The following CDH13 variants were observed in gnomAD, a reference collection of about 807,000 sequenced individuals.
CDH13 encodes cadherin-13.
A neutral mutation model predicts 63.8 loss-of-function variants in CDH13; 24 were observed. The ratio of observed to expected loss-of-function variants is 0.38; its 90% CI spans 0.27 to 0.53. The LOEUF is 0.53. Among genes scored for constraint, CDH13 ranks in the 20% least tolerant of loss-of-function variants. The probability of loss-of-function intolerance (pLI) is 0.85; values close to 1 mark genes in which losing one functional copy is unlikely to be tolerated. For missense variants in CDH13, 1,049 were observed against 903.1 expected (o/e 1.16, Z -2.07); for synonymous variants, 503 against 355.3 (o/e 1.42, Z -4.67).
chr16:83,258,204 A>T (rs1906522555), intron 5 of CDH13, among the ~76,000 whole-genome samples: 1 of 152,234 alleles, frequency 6.6e-6, no homozygotes, highest in African/African-American at 2.4e-5. Flanking sequence ...TGGAAAGCAT[A>T]GCTCTACAGA....
intron 3 of CDH13, among the ~76,000 whole-genome samples, chr16:83,078,451 T>G (rs548586992): frequency 9.8e-5 from 15 of 152,286 alleles, no homozygotes; most frequent in African/African-American, 3.6e-4. Context: ...GGATCACAAT[T>G]GGGTTTGTAG....
At chr16:82,720,787 G>T (rs1053502577) in intron 1 of CDH13, among the ~76,000 whole-genome samples, 1 of 152,078 alleles carries the variant, frequency 6.6e-6, no homozygotes, top group East Asian at 1.9e-4. Flanking sequence ...CTGCATTGTT[G>T]TTTGAGTCAG....
rs77159618 is a variant in CDH13, at chr16:83,782,974, C to G, written c.1916-280C>G. The stretch of plus-strand genomic sequence containing the variant: ...TCCTTGAAACTGATTATAATCGCGC[C>G]GAGGCACAGAACTCTGGTGATGGAA... On this transcript the variant is annotated intron_variant, in intron 12 of 13. Coordinates refer to ENST00000567109, the MANE Select transcript of CDH13 (RefSeq NM_001257.5). Among the ~76,000 whole-genome samples the G allele has an allele frequency of 2.0e-5, 3 of 151,986 alleles. No homozygotes were observed. The South Asian group carries it at 6.2e-4, about 32-fold the overall frequency.
chr16:83,359,686 A>G (rs1038868701), intron 6 of CDH13, among the ~76,000 whole-genome samples: 1 of 152,248 alleles, frequency 6.6e-6, no homozygotes, highest in Non-Finnish European at 1.5e-5. Context: ...GCACAGAATT[A>G]GAAACAGTGT....
intron 1 of CDH13, among the ~76,000 whole-genome samples, chr16:82,771,538 G>A (rs2035265312): frequency 6.6e-6 from 1 of 152,214 alleles, no homozygotes; most frequent in African/African-American, 2.4e-5. Context: ...CTCCCCGAAA[G>A]TGGAGACAGT....
At chr16:83,456,387 C>T (rs879408433) in intron 6 of CDH13, among the ~76,000 whole-genome samples, 6 of 152,152 alleles carry the variant, frequency 3.9e-5, no homozygotes, top group South Asian at 2.1e-4. Flanking sequence ...AACATGGTCC[C>T]GGGCTTTGGA....
chr16:82,896,276 ATTTTTTTT>A lies in CDH13; in HGVS notation c.157+37829_157+37836del, dbSNP rs59677448. ...GAGTCTTCTGAGAACTAGGATTAGG[ATTTTTTTT>A]TTTTTTTTTTTTTTTTTTTTTTTTT... On this transcript the variant is annotated intron_variant, in intron 2 of 13. Coordinates refer to ENST00000567109, the MANE Select transcript of CDH13 (RefSeq NM_001257.5). Among the ~76,000 whole-genome samples the A allele has an allele frequency of 6.8e-4, 60 of 87,864 alleles. 1 individual carries two copies. In the East Asian group the frequency reaches 9.8e-3, roughly 14 times the overall value. 57.6% of individuals were successfully genotyped at this position (87,864 alleles called of 152,430 possible).
At chr16:83,167,234 C>T (rs979938687) in intron 4 of CDH13, among the ~76,000 whole-genome samples, 23 of 151,314 alleles carry the variant, frequency 1.5e-4, no homozygotes, top group African/African-American at 4.6e-4. Flanking sequence ...CAGTGGCTCA[C>T]GCCTGTAATC....
chr16:83,412,508 C>T (rs2092142633), intron 6 of CDH13, among the ~76,000 whole-genome samples: 1 of 152,132 alleles, frequency 6.6e-6, no homozygotes, highest in African/African-American at 2.4e-5. Flanking sequence ...TGTCTACAAA[C>T]AGAGGTTTTT....
At chr16:82,776,055 C>T (rs1396170395) in intron 1 of CDH13, among the ~76,000 whole-genome samples, 1 of 152,094 alleles carries the variant, frequency 6.6e-6, no homozygotes, top group African/African-American at 2.4e-5. Context: ...CCTAAAAATA[C>T]AAAAATTAGC....
chr16:83,307,357 G>T, intron 5 of CDH13, among the ~76,000 whole-genome samples: 1 of 152,126 alleles, frequency 6.6e-6, no homozygotes, highest in East Asian at 1.9e-4. Context: ...GAAGATAAAG[G>T]TCAACTTAAA....
At chr16:83,417,620 C>T (rs1216438498) in intron 6 of CDH13, among the ~76,000 whole-genome samples, 1 of 152,088 alleles carries the variant, frequency 6.6e-6, no homozygotes, top group Non-Finnish European at 1.5e-5. Context: ...CTTCAGCAGG[C>T]AAGACAAATA....
chr16:83,137,547 C>A (rs753187289), intron 4 of CDH13, among the ~76,000 whole-genome samples: 5 of 152,230 alleles, frequency 3.3e-5, no homozygotes, highest in Non-Finnish European at 7.3e-5. Flanking sequence ...AAAGCCACTG[C>A]CTCGCTTCAG....
At chr16:83,065,026 C>A (rs1279956414) in intron 3 of CDH13, among the ~76,000 whole-genome samples, 1 of 152,128 alleles carries the variant, frequency 6.6e-6, no homozygotes, top group African/African-American at 2.4e-5. Context: ...GCACCCCCAG[C>A]CCCAGGTAAT....
intron 3 of CDH13, among the ~76,000 whole-genome samples, chr16:83,063,352 C>A (rs776748990): frequency 1.4e-4 from 21 of 152,318 alleles, no homozygotes; most frequent in African/African-American, 2.9e-4. Flanking sequence ...TACACACCAT[C>A]AGTTCCCCTG....
At chr16:83,712,480 T>C (rs1818829888) in intron 10 of CDH13, among the ~76,000 whole-genome samples, 1 of 152,128 alleles carries the variant, frequency 6.6e-6, no homozygotes, top group Non-Finnish European at 1.5e-5. Context: ...TTAATTGTCT[T>C]TACAGAAGGA....
intron 2 of CDH13, among the ~76,000 whole-genome samples, chr16:82,861,470 A>G (rs964741561): frequency 1.4e-4 from 21 of 152,262 alleles, no homozygotes; most frequent in African/African-American, 4.1e-4. Context: ...TGTTCATCCA[A>G]TTGTGTGTTC....
intron 5 of CDH13, among the ~76,000 whole-genome samples, chr16:83,321,905 G>C (rs555218042): frequency 6.6e-6 from 1 of 152,146 alleles, no homozygotes; most frequent in Non-Finnish European, 1.5e-5. Flanking sequence ...GACAAATTCT[G>C]TGTGACTATC....
At chr16:83,107,734 G>GTT (rs111272961) in intron 3 of CDH13, among the ~76,000 whole-genome samples, 11 of 137,524 alleles carry the variant, frequency 8.0e-5, no homozygotes, top group Non-Finnish European at 9.6e-5. Flanking sequence ...TTTTAGGTGG[G>GTT]TTTTTTTTTT....
Sources: allele counts gnomAD v4.1 joint callset (sites outside exome capture counted in the v4.1 genomes callset), GRCh38; gene constraint gnomAD v4.1.1; transcripts MANE v1.5; gene names NCBI Gene and HGNC (gene_info 2026-07-23, HGNC 2026-07-21).